EXD3: variants seen among roughly 807,000 people sequenced by gnomAD.
EXD3 encodes the protein exonuclease mut-7 homolog.
Under a neutral mutation model 98.0 loss-of-function variants are expected in EXD3, and 92 were observed. The ratio of observed to expected loss-of-function variants is 0.94; its 90% CI spans 0.79 to 1.12. EXD3 has a LOEUF of 1.12. Among genes scored for constraint, EXD3 ranks in the 50% most tolerant of loss-of-function variants. The pLI is 0.00. For synonymous variants in EXD3, 569 were observed against 526.0 expected (o/e 1.08, Z -1.12); for missense variants, 1,222 against 1,191.6 (o/e 1.03, Z -0.38).
intron 1 of EXD3, among the ~76,000 whole-genome samples, chr9:137,418,601 G>T (rs1838353030): frequency 6.6e-6 from 1 of 152,164 alleles, no homozygotes; most frequent in Non-Finnish European, 1.5e-5. Context: ...GAAAATTAGG[G>T]TCACGAAGTT....
In EXD3 at chr9:137,372,256, C is replaced by T. The variant is rs181479270; in HGVS notation, c.462+649G>A. ...TGATCCGACGCATCTCGCACCTGGG[C>T]GACTGTGCCGAGGTGCGACTGGTGC... On this transcript the variant is annotated intron_variant, in intron 5 of 21. Transcript: ENST00000340951. 2.2e-3 allele frequency among the ~76,000 whole-genome samples: 333 copies of T among 152,320 alleles called. 2 individuals are homozygous for T. The South Asian group carries it at 0.028, about 13-fold the overall frequency.
At chr9:137,355,687 G>C (rs1834717897) in intron 8 of EXD3, among the ~76,000 whole-genome samples, 1 of 133,144 alleles carries the variant, frequency 7.5e-6, no homozygotes, top group Non-Finnish European at 1.7e-5. Context: ...ATGGAGGAAG[G>C]AGAAAGGGAG....
intron 10 of EXD3, chr9:137,353,284 C>T (rs987761431): frequency 2.4e-5 from 24 of 984,938 alleles, no homozygotes; most frequent in African/African-American, 1.4e-4. Flanking sequence ...CTGACCTTCC[C>T]GGCCTCCAAG....
At chr9:137,383,629 C>G (rs1046205029) in intron 2 of EXD3, among the ~76,000 whole-genome samples, 1 of 152,240 alleles carries the variant, frequency 6.6e-6, no homozygotes, top group Admixed American at 6.5e-5. Context: ...ACTTCAACCA[C>G]GCTCAGCCCT....
intron 1 of EXD3, among the ~76,000 whole-genome samples, chr9:137,402,084 C>T (rs961268708): frequency 2.6e-5 from 4 of 151,754 alleles, no homozygotes; most frequent in East Asian, 1.9e-4. Context: ...GGTGTGATCT[C>T]GGCTCACTGC....
intron 2 of EXD3, chr9:137,392,562 G>T: frequency 4.4e-6 from 1 of 229,370 alleles, no homozygotes. Context: ...CTGAGCTGGG[G>T]CCTCTTGTGG....
chr9:137,314,427 G>C (rs1489073697), intron 19 of EXD3, among the ~76,000 whole-genome samples: 2 of 152,176 alleles, frequency 1.3e-5, no homozygotes, highest in Non-Finnish European at 2.9e-5. Flanking sequence ...CCCTGGGGAG[G>C]TGTGTGCAGC....
chr9:137,413,649 C>A (rs560945154), intron 1 of EXD3, among the ~76,000 whole-genome samples: 5 of 151,914 alleles, frequency 3.3e-5, no homozygotes, highest in African/African-American at 9.7e-5. Context: ...CTACAGGCGC[C>A]CACTACCACA....
Position 137,373,444 on chromosome 9 carries a change from T to C in EXD3, c.276A>G (p.Pro92=). 5 of 1,608,412 alleles carry C rather than the reference T, an allele frequency of 3.1e-6. No individual in the cohort carries two copies. The highest frequency in any genetic ancestry group is 4.2e-6 in the Non-Finnish European group (5 of 1,179,276). Residue 92 remains proline, a synonymous_variant, in exon 4 of 22, where the codon CCA becomes CCG. Coordinates refer to ENST00000340951, the MANE Select transcript of EXD3 (RefSeq NM_017820.5). ...HQLQCWLQAQ[P]CPSLAQHSLR... is the part of the protein sequence containing the mutation. ...GGCTCACCTGGGCCAGGCTCGGGCA[T>C]GGCTGTGCCTGTAGCCAGCACTGCA...
At chr9:137,355,732 G>GAAAGGAGGAA (rs1397701660) in intron 8 of EXD3, among the ~76,000 whole-genome samples, 1 of 120,526 alleles carries the variant, frequency 8.3e-6, no homozygotes, top group Non-Finnish European at 1.8e-5. Context: ...GGAGGAAGGA[G>GAAAGGAGGAA]GACCTAGAAA....
chr9:137,374,931 G>T, intron 3 of EXD3: 1 of 868,498 alleles, frequency 1.2e-6, no homozygotes, highest in Non-Finnish European at 1.4e-6. Flanking sequence ...TCTAACTCTA[G>T]TGAGTTCTAG....
At chr9:137,338,714 G>A (rs187553939) in intron 17 of EXD3, among the ~76,000 whole-genome samples, 8,599 of 146,666 alleles carry the variant, frequency 0.059, 412 homozygotes, top group Non-Finnish European at 0.081. Flanking sequence ...GTGAAACCCC[G>A]TCTCTACTAA....
intron 2 of EXD3, among the ~76,000 whole-genome samples, chr9:137,386,583 A>C (rs529408304): frequency 3.3e-4 from 50 of 152,086 alleles, no homozygotes; most frequent in Non-Finnish European, 5.3e-4. Flanking sequence ...AGCATCCTAC[A>C]GAAATATGGG....
chr9:137,386,264 A>G (rs1836586229), intron 2 of EXD3, among the ~76,000 whole-genome samples: 1 of 152,098 alleles, frequency 6.6e-6, no homozygotes, highest in African/African-American at 2.4e-5. Flanking sequence ...ACTGCCCTCC[A>G]GCCTGGGGGA....
intron 8 of EXD3, among the ~76,000 whole-genome samples, chr9:137,355,621 G>GGAGGAA (rs1564508880): frequency 9.6e-3 from 37 of 3,840 alleles, no homozygotes; most frequent in African/African-American, 0.031. Context: ...GAAGGAGGAA[G>GGAGGAA]GGAGGATGGA....
At chr9:137,322,452 G>A (rs112942571) in intron 19 of EXD3, among the ~76,000 whole-genome samples, 1,346 of 109,592 alleles carry the variant, frequency 0.012, 14 homozygotes, top group East Asian at 0.11. Context: ...CCGGACCCAC[G>A]AGGGATGCTC....
At chr9:137,382,103 G>T (rs1202957296) in intron 3 of EXD3, among the ~76,000 whole-genome samples, 1 of 95,254 alleles carries the variant, frequency 1.0e-5, no homozygotes, top group African/African-American at 5.2e-5. Flanking sequence ...GGCGGTGGAG[G>T]TCAGGGCGGC....
intron 1 of EXD3, among the ~76,000 whole-genome samples, chr9:137,415,485 C>T (rs960962764): frequency 1.3e-5 from 2 of 152,188 alleles, no homozygotes; most frequent in South Asian, 4.1e-4. Flanking sequence ...GGAGCCACTG[C>T]TCCTGCCCAG....
intron 12 of EXD3, 134 bp from the exon 13 acceptor site, chr9:137,351,662 G>T: frequency 1.2e-6 from 1 of 823,574 alleles, no homozygotes; most frequent in Non-Finnish European, 1.9e-6. Context: ...TGTTTATAGG[G>T]CTGGGGCTGT....
Sources: gnomAD v4.1 joint callset for allele counts (sites outside exome capture counted in the v4.1 genomes callset) on GRCh38, gnomAD v4.1.1 for gene constraint, MANE v1.5 for transcripts, NCBI Gene and HGNC (gene_info 2026-07-23, HGNC 2026-07-21) for gene names.